The following PLXDC2 variants were observed in gnomAD, a reference collection of about 807,000 sequenced individuals.
PLXDC2 encodes plexin domain containing 2.
Under a neutral mutation model 68.9 loss-of-function variants are expected in PLXDC2, and 40 were observed. The observed-to-expected ratio is 0.58, with a 90% CI of 0.45 to 0.76. The LOEUF is 0.76. Among genes scored for constraint, PLXDC2 ranks in the 30% least tolerant of loss-of-function variants. The pLI, the probability that PLXDC2 is intolerant of heterozygous loss-of-function variation, is 0.00. For missense variants in PLXDC2, 644 were observed against 661.9 expected (o/e 0.97, Z 0.30); for synonymous variants, 243 against 234.2 (o/e 1.04, Z -0.34).
chr10:19,837,385 T>TGA (rs149222127), intron 1 of PLXDC2, among the ~76,000 whole-genome samples: 115 of 139,276 alleles, frequency 8.3e-4, no homozygotes, highest in Middle Eastern at 3.6e-3. Flanking sequence ...ATTGAGTAAG[T>TGA]GAGAGAGAGA....
chr10:19,895,974 CAT>C (rs1787770453), intron 1 of PLXDC2, among the ~76,000 whole-genome samples: 1 of 152,146 alleles, frequency 6.6e-6, no homozygotes, highest in African/African-American at 2.4e-5. Flanking sequence ...ACTTTGGAAT[CAT>C]GGTACCACTC....
intron 2 of PLXDC2, among the ~76,000 whole-genome samples, chr10:20,025,832 T>C (rs557633429): frequency 5.9e-5 from 9 of 152,086 alleles, no homozygotes; most frequent in Admixed American, 2.6e-4. Context: ...TCACTTGTTT[T>C]CCCCTCCAGA....
rs114565527 is a variant in PLXDC2, at chr10:20,161,134, C to G, written c.784-3334C>G. 3.6e-3 allele frequency among the ~76,000 whole-genome samples: 547 copies of G among 152,226 alleles called. 2 individuals carry two copies. The highest frequency in any genetic ancestry group is 0.013 in the African/African-American group (525 of 41,538). On this transcript the variant is annotated intron_variant, in intron 6 of 13. Coordinates refer to ENST00000377252, the MANE Select transcript of PLXDC2 (RefSeq NM_032812.9). Reference sequence around the variant, plus strand: ...ATTGATATTGCTGTGTAATAAACCACCCCAAAATGTAGTGGCTTAAAACAA... The same window carrying G: ...ATTGATATTGCTGTGTAATAAACCAGCCCAAAATGTAGTGGCTTAAAACAA...
intron 1 of PLXDC2, among the ~76,000 whole-genome samples, chr10:19,970,302 A>T (rs1403095958): frequency 6.6e-6 from 1 of 152,184 alleles, no homozygotes; most frequent in Non-Finnish European, 1.5e-5. Context: ...TGTATGCATC[A>T]ACTGCCTCAT....
chr10:20,261,542 A>G (rs554404209), intron 13 of PLXDC2, among the ~76,000 whole-genome samples: 3 of 152,308 alleles, frequency 2.0e-5, no homozygotes, highest in East Asian at 3.9e-4. Flanking sequence ...ATGGAATCTC[A>G]TGCAAAAATA....
At chr10:20,197,771 C>T (rs576396732) in intron 9 of PLXDC2, among the ~76,000 whole-genome samples, 65 of 151,992 alleles carry the variant, frequency 4.3e-4, no homozygotes, top group African/African-American at 1.3e-3. Flanking sequence ...CAACTCTCCC[C>T]GCTCAGCCTC....
chr10:19,925,768 A>G (rs1303445649), intron 1 of PLXDC2, among the ~76,000 whole-genome samples: 1 of 152,238 alleles, frequency 6.6e-6, no homozygotes. Flanking sequence ...GCCCATGCCA[A>G]GGCGGGCTTT....
chr10:19,869,036 G>T (rs1012154117), intron 1 of PLXDC2, among the ~76,000 whole-genome samples: 1 of 152,096 alleles, frequency 6.6e-6, no homozygotes, highest in East Asian at 1.9e-4. Context: ...AGAGTGACTT[G>T]TCATAGGCTT....
intron 9 of PLXDC2, among the ~76,000 whole-genome samples, chr10:20,200,988 A>G (rs1274093590): frequency 6.6e-6 from 1 of 152,010 alleles, no homozygotes; most frequent in Non-Finnish European, 1.5e-5. Context: ...CTCAAAAAAC[A>G]ATAGAACTAC....
chr10:20,034,024 G>A (rs1835541317), intron 2 of PLXDC2, among the ~76,000 whole-genome samples: 1 of 151,976 alleles, frequency 6.6e-6, no homozygotes, highest in South Asian at 2.1e-4. Context: ...AGGTCTTATT[G>A]TGCAAGACGT....
chr10:20,185,994 C>T (rs1260534369), intron 9 of PLXDC2, among the ~76,000 whole-genome samples: 1 of 151,922 alleles, frequency 6.6e-6, no homozygotes, highest in Non-Finnish European at 1.5e-5. Context: ...TGTAAGTTGA[C>T]ACTCCTTCTT....
In PLXDC2 at chr10:20,158,501, CAA is replaced by C. The variant is rs59079629; in HGVS notation, c.784-5942_784-5941del. Among the ~76,000 whole-genome samples the C allele has an allele frequency of 3.4e-4, 40 of 118,742 alleles. No homozygotes were observed. The South Asian group carries it at 4.0e-3, about 12-fold the overall frequency. The allele number at this position is 118,742 out of a possible 152,430, so 77.9% of individuals were successfully genotyped here. ...GTAACATAATGAGACTCTGTCTCTG[CAA>C]AAAAAAAAAAAAAAAAAAAAAAAAT... is the stretch of plus-strand genomic sequence containing the variant. On this transcript the variant is annotated intron_variant, in intron 6 of 13. Transcript: ENST00000377252.
chr10:19,966,640 G>T (rs1293197570), intron 1 of PLXDC2, among the ~76,000 whole-genome samples: 3 of 151,928 alleles, frequency 2.0e-5, no homozygotes, highest in African/African-American at 7.3e-5. Flanking sequence ...TGCATTTTGT[G>T]ATTGAACTAG....
chr10:20,155,685 A>AT (rs1014941582), intron 6 of PLXDC2, among the ~76,000 whole-genome samples: 4 of 152,062 alleles, frequency 2.6e-5, no homozygotes, highest in Admixed American at 2.0e-4. Flanking sequence ...GAGATATTTT[A>AT]TTTTTTAGCT....
chr10:20,162,057 AGAGAGAGAGAGAGAGAAGGAAG>A (rs1170371297), intron 6 of PLXDC2, among the ~76,000 whole-genome samples: 38 of 120,680 alleles, frequency 3.1e-4, no homozygotes, highest in Admixed American at 1.4e-3. Flanking sequence ...AGAGAGAGAG[AGAGAGAGAGAGAGAGAAGGAAG>A]GAAGGAAGGA....
At chr10:20,234,669 T>TA in intron 12 of PLXDC2, among the ~76,000 whole-genome samples, 1 of 151,150 alleles carries the variant, frequency 6.6e-6, no homozygotes, top group South Asian at 2.1e-4. Flanking sequence ...CTTTCTTTTT[T>TA]TTTTTTTTTT....
At chr10:20,114,165 G>A (rs183377102) in intron 4 of PLXDC2, among the ~76,000 whole-genome samples, 4 of 152,190 alleles carry the variant, frequency 2.6e-5, no homozygotes, top group Admixed American at 2.6e-4. Context: ...AGGCAAATCT[G>A]GTCAAGTCTT....
chr10:19,978,835 T>C (rs1321667980), intron 1 of PLXDC2, among the ~76,000 whole-genome samples: 1 of 152,226 alleles, frequency 6.6e-6, no homozygotes, highest in Non-Finnish European at 1.5e-5. Flanking sequence ...ATTATTACAA[T>C]GATAGTTTAT....
intron 1 of PLXDC2, among the ~76,000 whole-genome samples, chr10:19,826,652 A>G (rs1429491027): frequency 6.6e-6 from 1 of 152,240 alleles, no homozygotes; most frequent in Non-Finnish European, 1.5e-5. Flanking sequence ...TTGTTAAACT[A>G]GCATAGGATA....
Sources: allele counts gnomAD v4.1 joint callset (sites outside exome capture counted in the v4.1 genomes callset), GRCh38; gene constraint gnomAD v4.1.1; transcripts MANE v1.5; gene names NCBI Gene and HGNC (gene_info 2026-07-23, HGNC 2026-07-21).